Variants in SPRY3 observed in about 807,000 individuals in gnomAD.
SPRY3 encodes the protein sprouty RTK signaling antagonist 3.
Under a neutral mutation model 20.2 loss-of-function variants are expected in SPRY3, and 15 were observed. That is an observed-to-expected ratio of 0.74 (90% CI 0.50 to 1.14). SPRY3 has a LOEUF of 1.14. SPRY3 is among the 50% of genes most tolerant of loss of function. The pLI is 0.00. For missense variants in SPRY3, 364 were observed against 363.9 expected, an observed-to-expected ratio of 1.00 and a Z score of 0.00; for synonymous variants, 143 against 136.5, an observed-to-expected ratio of 1.05 and a Z score of -0.33.
chrX:155,748,659 G>C (rs1201561116), intron 2 of SPRY3, among the ~76,000 whole-genome samples: 1 of 151,756 alleles, frequency 6.6e-6, no homozygotes, highest in Admixed American at 6.6e-5. Context: ...TATCATATTG[G>C]GAATCAGGGC....
chrX:155,767,592 A>AG (rs1251671076), intron 2 of SPRY3, among the ~76,000 whole-genome samples: 1 of 110,134 alleles, frequency 9.1e-6, no homozygotes, highest in Non-Finnish European at 1.8e-5. Flanking sequence ...GAAGGGGAGG[A>AG]GGGAAAGGGG....
downstream of SPRY3, chrX:155,777,958 TTACA>T (rs1465783035): frequency 6.0e-6 from 1 of 166,928 alleles, no homozygotes; most frequent in Non-Finnish European, 1.5e-5. Flanking sequence ...TAGTGAATAC[TTACA>T]TAGTGCTTAC....
intron 2 of SPRY3, among the ~76,000 whole-genome samples, chrX:155,728,486 C>T (rs770557215): frequency 2.0e-5 from 3 of 152,286 alleles, no homozygotes; most frequent in East Asian, 1.9e-4. Flanking sequence ...ACTTCCCAGT[C>T]GCTTTGTTTA....
At chrX:155,678,284 C>T in intron 2 of SPRY3, among the ~76,000 whole-genome samples, 1 of 111,351 alleles carries the variant, frequency 9.0e-6, no homozygotes, top group Non-Finnish European at 1.9e-5. Flanking sequence ...AGAAAACGTT[C>T]TACCTCCAAA....
At chrX:155,713,391 G>C in intron 2 of SPRY3, among the ~76,000 whole-genome samples, 1 of 151,960 alleles carries the variant, frequency 6.6e-6, no homozygotes, top group East Asian at 1.9e-4. Flanking sequence ...TTGTAGGACA[G>C]GTCTGGAGTT....
chrX:155,692,180 AGCTTTATATTTTACATTTAGCTCCCTGG>A (rs1361772326), intron 2 of SPRY3, among the ~76,000 whole-genome samples: 27 of 109,495 alleles, frequency 2.5e-4, no homozygotes, highest in African/African-American at 8.6e-4. Flanking sequence ...AAATGGGTAC[AGCTTTATATTTTACATTTAGCTCCCTGG>A]TTGATTTTGA....
chrX:155,732,911 C>T (rs1034280821), intron 2 of SPRY3, among the ~76,000 whole-genome samples: 18 of 151,980 alleles, frequency 1.2e-4, no homozygotes, highest in East Asian at 5.8e-4. Context: ...GGACAATCTT[C>T]GCTTTCATTT....
intron 2 of SPRY3, among the ~76,000 whole-genome samples, chrX:155,766,517 C>T (rs1039365780): frequency 6.6e-6 from 1 of 152,102 alleles, no homozygotes; most frequent in African/African-American, 2.4e-5. Flanking sequence ...GATGAGGTAA[C>T]CAAAGCATCC....
At chrX:155,638,250 T>G (rs781943438) in intron 1 of SPRY3, among the ~76,000 whole-genome samples, 1 of 91,094 alleles carries the variant, frequency 1.1e-5, no homozygotes. Context: ...AGCCCAGATG[T>G]TCAAGACCAG....
chrX:155,723,627 G>A (rs1393567390), intron 2 of SPRY3, among the ~76,000 whole-genome samples: 7 of 152,000 alleles, frequency 4.6e-5, no homozygotes, highest in African/African-American at 9.7e-5. Context: ...TTTTGATGTT[G>A]TTGTTTGTTT....
rs142292424 is a variant in SPRY3, at chrX:155,678,864, C to A, written c.-282+21839C>A. 5.4e-5 allele frequency among the ~76,000 whole-genome samples: 6 copies of A among 111,917 alleles called. No individual in the cohort carries two copies. The East Asian group carries it at 1.7e-3, about 32-fold the overall frequency. ...AATGAAAATTAGAGTATAATGAGTTCTTTTACACTCTGATCAGTCTTGAGA... is the reference window on the plus strand; with the variant it reads ...AATGAAAATTAGAGTATAATGAGTTATTTTACACTCTGATCAGTCTTGAGA... On this transcript the variant is annotated intron_variant, in intron 2 of 3. Transcript: ENST00000675360.
At chrX:155,705,424 G>A (rs956637083) in intron 2 of SPRY3, among the ~76,000 whole-genome samples, 22 of 151,308 alleles carry the variant, frequency 1.5e-4, no homozygotes, top group African/African-American at 5.3e-4. Flanking sequence ...TAACACAAGA[G>A]AAGGCAGAAA....
At chrX:155,719,179 T>A (rs1311421039) in intron 2 of SPRY3, among the ~76,000 whole-genome samples, 2 of 152,028 alleles carry the variant, frequency 1.3e-5, no homozygotes, top group Non-Finnish European at 2.9e-5. Flanking sequence ...GCCCAGTAAT[T>A]GTGAGGCATT....
intron 2 of SPRY3, among the ~76,000 whole-genome samples, chrX:155,672,110 G>A (rs1168399342): frequency 1.8e-5 from 2 of 111,613 alleles, no homozygotes; most frequent in Admixed American, 1.9e-4. Flanking sequence ...TGTTGGCTTA[G>A]GATTGACTTG....
intron 3 of SPRY3, among the ~76,000 whole-genome samples, chrX:155,772,980 C>A (rs995061162): frequency 6.6e-6 from 1 of 151,866 alleles, no homozygotes; most frequent in African/African-American, 2.4e-5. Context: ...GTTCCTTGAT[C>A]CCCAGTATTA....
intron 1 of SPRY3, among the ~76,000 whole-genome samples, chrX:155,630,811 C>T (rs2067903820): frequency 9.0e-6 from 1 of 111,246 alleles, no homozygotes; most frequent in African/African-American, 3.3e-5. Context: ...AAGCTTAGAT[C>T]CCTTTCTCTT....
At chrX:155,682,486 C>T (rs1008663972) in intron 2 of SPRY3, among the ~76,000 whole-genome samples, 1 of 111,489 alleles carries the variant, frequency 9.0e-6, no homozygotes, top group Non-Finnish European at 1.9e-5. Flanking sequence ...TGTGTGGATC[C>T]TCCTATGGTA....
At chrX:155,703,958 A>G (rs958516218) in intron 2 of SPRY3, among the ~76,000 whole-genome samples, 1 of 151,894 alleles carries the variant, frequency 6.6e-6, no homozygotes, top group African/African-American at 2.4e-5. Flanking sequence ...GCAGCAATAT[A>G]TCTCAAATTG....
chrX:155,767,066 C>G (rs1223205369), intron 2 of SPRY3, among the ~76,000 whole-genome samples: 3 of 152,020 alleles, frequency 2.0e-5, no homozygotes, highest in Non-Finnish European at 4.4e-5. Context: ...ACTCTCCACC[C>G]CACCCCCACG....
Sources: gnomAD v4.1 joint callset for allele counts (sites outside exome capture counted in the v4.1 genomes callset) on GRCh38, gnomAD v4.1.1 for gene constraint, MANE v1.5 for transcripts, NCBI Gene and HGNC (gene_info 2026-07-23, HGNC 2026-07-21) for gene names.